Variants in MAGI2 observed in about 807,000 individuals in gnomAD.
MAGI2 encodes the protein membrane associated guanylate kinase, WW and PDZ domain containing 2.
A neutral mutation model predicts 133.3 loss-of-function variants in MAGI2; 35 were observed. That is an observed-to-expected ratio of 0.26 (90% CI 0.20 to 0.35). The LOEUF (loss-of-function observed/expected upper bound fraction) is 0.35, where lower values mean the gene tolerates loss of function less well. MAGI2 is among the 10% of genes least tolerant of loss of function. The probability of loss-of-function intolerance (pLI) is 1.00; values close to 1 mark genes in which losing one functional copy is unlikely to be tolerated. For synonymous variants in MAGI2, 729 were observed against 710.6 expected, an observed-to-expected ratio of 1.03 and a Z score of -0.41; for missense variants, 1,636 against 1,863.4, an observed-to-expected ratio of 0.88 and a Z score of 2.25.
intron 1 of MAGI2, among the ~76,000 whole-genome samples, chr7:79,369,613 T>A (rs556536201): frequency 6.6e-6 from 1 of 152,288 alleles, no homozygotes; most frequent in South Asian, 2.1e-4. Flanking sequence ...TTCCCAGGCT[T>A]GTAGAACTCC....
intron 2 of MAGI2, among the ~76,000 whole-genome samples, chr7:78,762,805 T>A (rs1824644879): frequency 6.6e-6 from 1 of 152,208 alleles, no homozygotes; most frequent in African/African-American, 2.4e-5. Flanking sequence ...GCAGTGACCT[T>A]CAAAGATACA....
chr7:78,378,155 T>G (rs189965231), intron 6 of MAGI2, among the ~76,000 whole-genome samples: 1 of 150,964 alleles, frequency 6.6e-6, no homozygotes, highest in African/African-American at 2.4e-5. Flanking sequence ...GAAAATAGAG[T>G]GAACCTAAAA....
At chr7:78,791,174 C>G (rs929487100) in intron 2 of MAGI2, among the ~76,000 whole-genome samples, 30 of 152,046 alleles carry the variant, frequency 2.0e-4, no homozygotes, top group Non-Finnish European at 4.4e-4. Context: ...GGGCAAAGAA[C>G]AGGAAACTGG....
intron 1 of MAGI2, among the ~76,000 whole-genome samples, chr7:79,437,778 A>T (rs1848244048): frequency 6.6e-6 from 1 of 152,136 alleles, no homozygotes; most frequent in South Asian, 2.1e-4. Flanking sequence ...TCAAAGATGG[A>T]ATTTTTACTA....
chr7:79,200,963 C>A (rs1231985238), intron 1 of MAGI2, among the ~76,000 whole-genome samples: 1 of 151,974 alleles, frequency 6.6e-6, no homozygotes, highest in Non-Finnish European at 1.5e-5. Context: ...CACTCCTTAC[C>A]TATTTTCTGT....
At chr7:79,392,940 G>A (rs946820931) in intron 1 of MAGI2, among the ~76,000 whole-genome samples, 3 of 152,106 alleles carry the variant, frequency 2.0e-5, no homozygotes, top group African/African-American at 4.8e-5. Context: ...TAACACTCAC[G>A]TATTTTACTA....
chr7:78,981,548 A>G (rs1478265847), intron 2 of MAGI2, among the ~76,000 whole-genome samples: 3 of 151,770 alleles, frequency 2.0e-5, no homozygotes, highest in African/African-American at 4.8e-5. Flanking sequence ...AAGCATAATC[A>G]TTTTATATCT....
chr7:79,379,632 T>A (rs1028194562), intron 1 of MAGI2, among the ~76,000 whole-genome samples: 7 of 152,000 alleles, frequency 4.6e-5, no homozygotes, highest in African/African-American at 1.7e-4. Flanking sequence ...TGTTGTTTCC[T>A]GACTTTTTAA....
At chr7:78,990,028 C>T (rs1385185883) in intron 2 of MAGI2, among the ~76,000 whole-genome samples, 1 of 152,062 alleles carries the variant, frequency 6.6e-6, no homozygotes, top group Non-Finnish European at 1.5e-5. Context: ...TCCTAAAATA[C>T]ATGTTTGTTT....
chr7:78,688,694 C>T (rs1291450158), intron 2 of MAGI2, among the ~76,000 whole-genome samples: 4 of 152,146 alleles, frequency 2.6e-5, no homozygotes, highest in Admixed American at 2.6e-4. Flanking sequence ...GCACTGGCTC[C>T]TTTGAAGTGA....
At chr7:78,680,366 G>A (rs921462128) in intron 2 of MAGI2, among the ~76,000 whole-genome samples, 2 of 152,110 alleles carry the variant, frequency 1.3e-5, no homozygotes, top group African/African-American at 4.8e-5. Context: ...GAATGCTAGG[G>A]TTCCTTAGGG....
chr7:78,910,077 T>G (rs1044490340), intron 2 of MAGI2, among the ~76,000 whole-genome samples: 1 of 151,216 alleles, frequency 6.6e-6, no homozygotes, highest in East Asian at 1.9e-4. Flanking sequence ...TAAGTGGGAG[T>G]TGAACAATGA....
At chr7:78,168,637 C>A (rs1251907383) in intron 14 of MAGI2, among the ~76,000 whole-genome samples, 1 of 152,052 alleles carries the variant, frequency 6.6e-6, no homozygotes, top group Non-Finnish European at 1.5e-5. Flanking sequence ...TCTTCACTTG[C>A]AAAATAAGAA....
intron 2 of MAGI2, among the ~76,000 whole-genome samples, chr7:78,699,266 C>A (rs1403933900): frequency 6.6e-6 from 1 of 152,128 alleles, no homozygotes; most frequent in Non-Finnish European, 1.5e-5. Context: ...ACATGCTCAG[C>A]TAATTTAAAT....
chr7:78,436,907 G>C (rs1231301966), intron 6 of MAGI2, among the ~76,000 whole-genome samples: 1 of 152,186 alleles, frequency 6.6e-6, no homozygotes, highest in Non-Finnish European at 1.5e-5. Flanking sequence ...ACTGCAGGGG[G>C]ATGGAAATGG....
intron 1 of MAGI2, among the ~76,000 whole-genome samples, chr7:79,355,785 T>C (rs1248492228): frequency 6.6e-6 from 1 of 152,248 alleles, no homozygotes; most frequent in African/African-American, 2.4e-5. Flanking sequence ...CCTTATTCTT[T>C]GTGAACTAAT....
intron 1 of MAGI2, among the ~76,000 whole-genome samples, chr7:79,073,352 T>A (rs1378078659): frequency 6.6e-6 from 1 of 152,180 alleles, no homozygotes; most frequent in Non-Finnish European, 1.5e-5. Flanking sequence ...CTCCACTAAC[T>A]CTTAGGCCCA....
chr7:78,363,495 A>AAATAATAATAATAATGATAATAAT (rs1554367010), intron 7 of MAGI2, among the ~76,000 whole-genome samples: 9 of 122,368 alleles, frequency 7.4e-5, no homozygotes, highest in South Asian at 2.6e-4. Flanking sequence ...TCCATCTCGA[A>AAATAATAATAATAATGATAATAAT]AATAATAATA....
chr7:78,234,496 T>TA (rs1165919456), intron 10 of MAGI2, among the ~76,000 whole-genome samples: 3 of 152,136 alleles, frequency 2.0e-5, no homozygotes, highest in African/African-American at 4.8e-5. Context: ...ATTAATGTGG[T>TA]ATAATAACTG....
Sources: allele counts gnomAD v4.1 joint callset (sites outside exome capture counted in the v4.1 genomes callset), GRCh38; gene constraint gnomAD v4.1.1; transcripts MANE v1.5; gene names NCBI Gene and HGNC (gene_info 2026-07-23, HGNC 2026-07-21).